The following FARS2 variants were observed in gnomAD, a reference collection of about 807,000 sequenced individuals.
FARS2 encodes the protein phenylalanyl-tRNA synthetase 2, mitochondrial.
Under a neutral mutation model 46.4 loss-of-function variants are expected in FARS2, and 40 were observed. The ratio of observed to expected loss-of-function variants is 0.86; its 90% CI spans 0.67 to 1.12. The LOEUF is 1.12. FARS2 is among the 50% of genes most tolerant of loss of function. The pLI, the probability that FARS2 is intolerant of heterozygous loss-of-function variation, is 0.00. For missense variants in FARS2, 513 were observed against 567.9 expected, an observed-to-expected ratio of 0.90 and a Z score of 0.98; for synonymous variants, 234 against 214.9, an observed-to-expected ratio of 1.09 and a Z score of -0.78.
intron 3 of FARS2, among the ~76,000 whole-genome samples, chr6:5,408,918 A>G (rs1008393703): frequency 7.2e-5 from 11 of 152,196 alleles, no homozygotes; most frequent in Admixed American, 2.0e-4. Flanking sequence ...TTTAAAAAGT[A>G]AGCCATGTGC....
chr6:5,301,700 C>A (rs1768311487), intron 1 of FARS2, among the ~76,000 whole-genome samples: 2 of 151,908 alleles, frequency 1.3e-5, no homozygotes, highest in Non-Finnish European at 1.5e-5. Flanking sequence ...TGCGGAGTGG[C>A]AACTAATATC....
At chr6:5,320,207 A>G (rs568294903) in intron 1 of FARS2, among the ~76,000 whole-genome samples, 35 of 152,348 alleles carry the variant, frequency 2.3e-4, no homozygotes, top group Middle Eastern at 3.4e-3. Flanking sequence ...CTTGGGAAAC[A>G]CCTTTGCAGT....
chr6:5,370,494 T>C (rs984126546), intron 2 of FARS2, among the ~76,000 whole-genome samples: 1 of 152,166 alleles, frequency 6.6e-6, no homozygotes, highest in African/African-American at 2.4e-5. Flanking sequence ...CTGGGAAATA[T>C]GACCAAGTGA....
rs1017738306 is a variant in FARS2 at position 5,464,198 on chromosome 6, A to G, written c.904+33026A>G. Among the ~76,000 whole-genome samples the G allele has an allele frequency of 7.2e-5, 11 of 152,334 alleles. No individual in the cohort carries two copies. In the South Asian group the frequency reaches 1.0e-3, roughly 14 times the overall value. On this transcript the variant is annotated intron_variant, in intron 4 of 6. Transcript: ENST00000274680. ...GTCCCTGTTAAGGGGCCAGCATTAC[A>G]TTTTGGATAGACAGAAATAGTTTCT...
At chr6:5,690,432 G>A (rs56150830) in intron 6 of FARS2, among the ~76,000 whole-genome samples, 6 of 150,436 alleles carry the variant, frequency 4.0e-5, no homozygotes, top group Non-Finnish European at 7.4e-5. Context: ...GTCTGTAAAG[G>A]ATTTTATTTC....
rs557074587 is a variant in FARS2, at chr6:5,502,588, T to C, written c.905-42592T>C. ...CAGATTTCTAAAAGAAAGAAATCTA[T>C]TGAAGAAGGCTTCACAATTTTTAAA... On this transcript the variant is annotated intron_variant, in intron 4 of 6. Transcript: ENST00000274680. Among the ~76,000 whole-genome samples, 35 of 152,372 alleles carry C rather than the reference T, an allele frequency of 2.3e-4. No individual in the cohort carries two copies. The South Asian group carries it at 7.2e-3, about 32-fold the overall frequency.
intron 1 of FARS2, among the ~76,000 whole-genome samples, chr6:5,341,192 T>TATATATATATAG (rs1421665390): frequency 2.2e-3 from 18 of 8,370 alleles, no homozygotes; most frequent in South Asian, 8.5e-3. Flanking sequence ...TGGGGAGATA[T>TATATATATATAG]ATATATATAT....
intron 1 of FARS2, among the ~76,000 whole-genome samples, chr6:5,332,772 AG>A (rs1192644800): frequency 6.6e-6 from 1 of 152,238 alleles, no homozygotes; most frequent in Non-Finnish European, 1.5e-5. Context: ...TATTGTGCCC[AG>A]GGGGTTAGTG....
At chr6:5,614,313 C>T (rs1038191730) in intron 6 of FARS2, among the ~76,000 whole-genome samples, 5 of 152,166 alleles carry the variant, frequency 3.3e-5, no homozygotes, top group South Asian at 4.1e-4. Context: ...TTCCCTTCCC[C>T]GCCTGATTGT....
intron 4 of FARS2, among the ~76,000 whole-genome samples, chr6:5,522,614 T>TC (rs1313557156): frequency 6.6e-6 from 1 of 152,258 alleles, no homozygotes; most frequent in Non-Finnish European, 1.5e-5. Context: ...CCATCGCTAT[T>TC]CCAATGTCCT....
chr6:5,439,927 G>GC (rs1763746931), intron 4 of FARS2, among the ~76,000 whole-genome samples: 1 of 152,064 alleles, frequency 6.6e-6, no homozygotes, highest in Admixed American at 6.6e-5. Context: ...ATTCAGAAAA[G>GC]CAAACAAATA....
intron 5 of FARS2, among the ~76,000 whole-genome samples, chr6:5,562,111 C>T (rs1465059526): frequency 1.3e-5 from 2 of 151,958 alleles, no homozygotes; most frequent in Non-Finnish European, 1.5e-5. Flanking sequence ...AAAATGAGTT[C>T]ATATTCTTGT....
intron 6 of FARS2, among the ~76,000 whole-genome samples, chr6:5,691,601 TG>T (rs1311669654): frequency 6.6e-6 from 1 of 152,174 alleles, no homozygotes; most frequent in Non-Finnish European, 1.5e-5. Context: ...CTGCCCCTAC[TG>T]GGGGATGCCT....
At chr6:5,662,883 A>G (rs957257347) in intron 6 of FARS2, among the ~76,000 whole-genome samples, 1 of 152,206 alleles carries the variant, frequency 6.6e-6, no homozygotes, top group Non-Finnish European at 1.5e-5. Flanking sequence ...AATACTCCCA[A>G]GCTCATATGA....
At chr6:5,768,006 C>T (rs948465932) in intron 6 of FARS2, among the ~76,000 whole-genome samples, 1 of 152,186 alleles carries the variant, frequency 6.6e-6, no homozygotes, top group South Asian at 2.1e-4. Flanking sequence ...CTGTGGCTTT[C>T]CTCGGGAGAC....
chr6:5,458,149 GGCTCTGGTTT>G (rs1765014867), intron 4 of FARS2: 1 of 153,144 alleles, frequency 6.5e-6, no homozygotes, highest in South Asian at 2.1e-4. Flanking sequence ...CCTTCCCCTT[GGCTCTGGTTT>G]GGCTTGACTC....
intron 6 of FARS2, among the ~76,000 whole-genome samples, chr6:5,666,732 C>T (rs1019825655): frequency 2.0e-5 from 3 of 152,102 alleles, no homozygotes; most frequent in Non-Finnish European, 4.4e-5. Flanking sequence ...GATATACACC[C>T]AAAGGAATAT....
rs960570620 is a variant in FARS2 at position 5,765,064 on chromosome 6, T to A, written c.1218-6227T>A. Among the ~76,000 whole-genome samples, 1 of 152,230 alleles carries A rather than the reference T, an allele frequency of 6.6e-6. No individual in the cohort carries two copies. The highest frequency in any genetic ancestry group is 2.4e-5 in the African/African-American group (1 of 41,466). On this transcript the variant is annotated intron_variant, in intron 6 of 6. Transcript: ENST00000274680. The surrounding 1 kb of genome is among the most constrained non-coding windows in gnomAD (Gnocchi z 4.0). ...TGAGAATGCTTCACTGATCCAGCCC[T>A]GACTATACTCAGCACCTATACATCC...
At chr6:5,505,288 A>G (rs1768035983) in intron 4 of FARS2, among the ~76,000 whole-genome samples, 1 of 152,192 alleles carries the variant, frequency 6.6e-6, no homozygotes, top group South Asian at 2.1e-4. Context: ...GCTCTTCCAG[A>G]TTGATACTTT....
Sources: allele counts gnomAD v4.1 joint callset (sites outside exome capture counted in the v4.1 genomes callset), GRCh38; gene constraint gnomAD v4.1.1; non-coding constraint Gnocchi (gnomAD v3.1); transcripts MANE v1.5; gene names NCBI Gene and HGNC (gene_info 2026-07-23, HGNC 2026-07-21).